CPNE7: variants seen among roughly 807,000 people sequenced by gnomAD.
The protein encoded by CPNE7 is copine-7.
Under a neutral mutation model 66.5 loss-of-function variants are expected in CPNE7, and 78 were observed. The observed-to-expected ratio is 1.17, with a 90% confidence interval of 0.98 to 1.42. The LOEUF (loss-of-function observed/expected upper bound fraction) is 1.42, where lower values mean the gene tolerates loss of function less well. Among genes scored for constraint, CPNE7 ranks in the 40% most tolerant of loss-of-function variants. The pLI is 0.00. For synonymous variants in CPNE7, 468 were observed against 336.7 expected (o/e 1.39, Z -4.27); for missense variants, 1,012 against 776.6 (o/e 1.30, Z -3.60).
At chr16:89,586,615 C>T (rs1367304705) in intron 7 of CPNE7, 55 bp from the exon 8 acceptor site, 1 of 1,451,420 alleles carries the variant, frequency 6.9e-7, no homozygotes, top group Non-Finnish European at 9.7e-7. Context: ...TAGGGTCTCC[C>T]TGGTAGGTGT....
chr16:89,579,312 A>G (rs1362813580), intron 2 of CPNE7, among the ~76,000 whole-genome samples: 1 of 152,054 alleles, frequency 6.6e-6, no homozygotes, highest in Admixed American at 6.6e-5. Flanking sequence ...AAATTTTACG[A>G]TAAAATGCAT....
intron 2 of CPNE7, 123 bp downstream of exon 2, chr16:89,577,844 C>G: frequency 1.3e-6 from 1 of 770,746 alleles, no homozygotes; most frequent in Non-Finnish European, 2.1e-6. Context: ...CTGCCCCCTC[C>G]TCAGCTCCTC....
chr16:89,596,679 G>A lies in CPNE7; in HGVS notation c.*58G>A. ...GAATGGGTCCGTACAGCCTCTGTCT[G>A]CAACATGCTTGGGGTCCCTTAAGCT... On this transcript the variant is annotated 3_prime_UTR_variant, in exon 15 of 15. Transcript: ENST00000319518. 4 of 1,481,910 alleles carry A rather than the reference G, an allele frequency of 2.7e-6. No homozygotes were observed. Among genetic ancestry groups the A allele is most frequent in the Non-Finnish European group, 2.7e-6 (3 of 1,121,736 alleles). The allele number at this position is 1,481,910 out of a possible 1,614,324, so 91.8% of individuals were successfully genotyped here. A position where few individuals can be genotyped will look rare whatever the true frequency, so the allele number is the denominator to read the frequency against.
chr16:89,578,968 G>A, intron 2 of CPNE7: 2 of 1,609,726 alleles, frequency 1.2e-6, no homozygotes, highest in African/African-American at 2.7e-5. Flanking sequence ...CTCACACCTT[G>A]CCAGGACGGG....
At chr16:89,578,870 G>T (rs903757169) in intron 2 of CPNE7, 2 of 1,612,304 alleles carry the variant, frequency 1.2e-6, no homozygotes, top group Non-Finnish European at 1.7e-6. Context: ...GCCCAAAAGT[G>T]GCTTCTGCAA....
rs2059112496 is a variant in CPNE7 at position 89,588,206 on chromosome 16, G to GCGTGTCACCCACAGATACACAGCCCC, written c.928-449_928-448insAGCCCCCGTGTCACCCACAGATACAC. Among the ~76,000 whole-genome samples the GCGTGTCACCCACAGATACACAGCCCC allele has an allele frequency of 9.5e-5, 2 of 21,146 alleles. 1 individual carries two copies. The highest frequency in any genetic ancestry group is 1.1e-3 in the Admixed American group (2 of 1,808). 13.9% of individuals were successfully genotyped at this position (21,146 alleles called of 152,430 possible). ...CAGATACACGGCCCCCGTGTCACCC[G>GCGTGTCACCCACAGATACACAGCCCC]CGTGTCACCCACAGATACACGGCCC... On this transcript the variant is annotated intron_variant, in intron 9 of 14. Coordinates refer to ENST00000319518, the MANE Select transcript of CPNE7 (RefSeq NM_153636.3).
rs576848057 is a variant in CPNE7 at position 89,585,797 on chromosome 16, G to C, written c.780+12G>C. 2 of 1,459,056 alleles carry C rather than the reference G, an allele frequency of 1.4e-6. No individual in the cohort carries two copies. Among genetic ancestry groups the C allele is most frequent in the Admixed American group, 4.3e-5 (2 of 46,176 alleles). The allele number at this position is 1,459,056 out of a possible 1,614,324, so 90.4% of individuals were successfully genotyped here. Reference sequence around the variant, plus strand: ...TTGAGGAGGGGCAGGTGAGCAGGACGGGGTAGGGGGTCCTCCAGGGAGGGT... The same window carrying C: ...TTGAGGAGGGGCAGGTGAGCAGGACCGGGTAGGGGGTCCTCCAGGGAGGGT... On this transcript the variant is annotated intron_variant, in intron 7 of 14. Transcript: ENST00000319518.
chr16:89,595,420 C>T lies in CPNE7; in HGVS notation c.1356C>T (p.Asp452=), dbSNP rs1567968474. Residue 452 remains aspartate (D), a synonymous_variant, in exon 14 of 15, where the codon GAC becomes GAT. Transcript: ENST00000319518. ...LTDGVVTDMA[D]TREAIVRASR... is the part of the protein sequence containing the mutation. ...ACGGCGTGGTGACCGACATGGCCGA[C>T]ACACGGGAGGCCATTGTGCGTGCCT... 10 of 1,605,150 alleles carry T rather than the reference C, an allele frequency of 6.2e-6. No individual in the cohort carries two copies. In the East Asian group the frequency reaches 2.0e-4, roughly 32 times the overall value.
intron 8 of CPNE7, 42 bp downstream of exon 8, chr16:89,586,798 G>A (rs1238216627): frequency 3.3e-6 from 5 of 1,528,162 alleles, no homozygotes; most frequent in Non-Finnish European, 4.5e-6. Context: ...CCCACAAGAG[G>A]GGCTTCCGCT....
intron 8 of CPNE7, 89 bp from the exon 9 acceptor site, chr16:89,586,954 G>C (rs1380191493): frequency 7.4e-7 from 1 of 1,342,602 alleles, no homozygotes; most frequent in African/African-American, 1.5e-5. Flanking sequence ...AGAGGGACTG[G>C]GCTGCCTGCG....
intron 2 of CPNE7, among the ~76,000 whole-genome samples, chr16:89,581,989 T>C (rs545713155): frequency 6.6e-6 from 1 of 152,372 alleles, no homozygotes; most frequent in South Asian, 2.1e-4. Context: ...TATGTCATAA[T>C]CCGTGCAGGA....
In CPNE7 at chr16:89,588,783, G is replaced by A; in HGVS notation, c.1036G>A (p.Gly346Ser). 6.2e-7 allele frequency: 1 copy of A among 1,613,644 alleles called. No homozygotes were observed. The change falls in exon 10 of 15, where the codon GGC (glycine) becomes AGC (serine). Residue 346 changes from glycine to serine, a missense_variant. Coordinates refer to ENST00000319518, the MANE Select transcript of CPNE7 (RefSeq NM_153636.3). ...NEYLKALVSV[G>S]EICQDYDSDK... ...GTACCTGAAGGCACTGGTGTCCGTG[G>A]GCGAGATCTGCCAGGACTATGACAG...
rs374128329 is a variant in CPNE7 at position 89,596,464 on chromosome 16, T to C, written c.1540-20T>C. ...CCATCTCGAAGGTCCCAGAGGTAAC[T>C]GCGTTGTCCCATCCTCCAGGCATCC... On this transcript the variant is annotated intron_variant, in intron 14 of 14. Coordinates refer to ENST00000319518, the MANE Select transcript of CPNE7 (RefSeq NM_153636.3). 15 of 1,596,490 alleles carry C rather than the reference T, an allele frequency of 9.4e-6. No homozygotes were observed. In the African/African-American group the frequency reaches 9.4e-5, roughly 10 times the overall value.
chr16:89,590,862 C>G (rs466141), intron 11 of CPNE7, 145 bp from the exon 12 acceptor site: 1 of 559,492 alleles, frequency 1.8e-6, no homozygotes, highest in Non-Finnish European at 2.9e-6. Flanking sequence ...CTTTAGTAGG[C>G]GGGGGACATG....
intron 9 of CPNE7, among the ~76,000 whole-genome samples, chr16:89,588,327 TGGGG>T (rs1567962065): frequency 6.6e-6 from 1 of 152,120 alleles, no homozygotes. Context: ...GTGGGAAACG[TGGGG>T]GGACCCAGAC....
chr16:89,576,495 G>C (rs2058862190), intron 1 of CPNE7, among the ~76,000 whole-genome samples: 2 of 152,054 alleles, frequency 1.3e-5, no homozygotes, highest in Non-Finnish European at 2.9e-5. Context: ...GAGGGAGCGC[G>C]CGCTGGGGTG....
Position 89,596,513 on chromosome 16 carries a change from G to A in CPNE7, c.1569G>A (p.Val523=). The change falls in exon 15 of 15, where the codon GTG becomes GTA. Residue 523 remains valine, a synonymous_variant. Transcript: ENST00000319518. ...CCCCTGCGGCGCTGGCCAAGTGCGTGCTGGCCGAGGTCCCGAAGCAGGTGG... is the reference window on the plus strand; with the variant it reads ...CCCCTGCGGCGCTGGCCAAGTGCGTACTGGCCGAGGTCCCGAAGCAGGTGG... The part of the protein sequence containing the change: ...NASPAALAKC[V]LAEVPKQVVE... The A allele has an allele frequency of 6.2e-7, 1 of 1,609,926 alleles. No homozygotes were observed. The highest frequency in any genetic ancestry group is 8.5e-7 in the Non-Finnish European group (1 of 1,179,728).
At position 89,585,475 on chromosome 16, in the gene CPNE7, C is replaced by A; in HGVS notation, c.603C>A (p.Asn201Lys). The change falls in exon 6 of 15, where the codon AAC (asparagine) becomes AAA (lysine). Residue 201 changes from asparagine to lysine, a missense_variant. Physicochemically the swap from Asn to Lys is moderately conservative, Grantham distance 94. Coordinates refer to ENST00000319518, the MANE Select transcript of CPNE7 (RefSeq NM_153636.3). ...CTCCCGGCCCACAGGTGGTGAAGAA[C>A]AACCTGAACCCGGTGTGGGAGGCCT... ...QLVYRTEVVK[N>K]NLNPVWEAFK... 6.2e-7 allele frequency: 1 copy of A among 1,611,634 alleles called. No individual in the cohort carries two copies. Among genetic ancestry groups the A allele is most frequent in the African/African-American group, 1.3e-5 (1 of 74,960 alleles).
At chr16:89,585,381 C>T (rs2059017965) in intron 5 of CPNE7, 83 bp from the exon 6 acceptor site, 1 of 964,624 alleles carries the variant, frequency 1.0e-6, no homozygotes, top group South Asian at 1.4e-5. Flanking sequence ...CGCCTCACAG[C>T]TGCTCTTCCA....
Sources: allele counts gnomAD v4.1 joint callset (sites outside exome capture counted in the v4.1 genomes callset), GRCh38; gene constraint gnomAD v4.1.1; transcripts MANE v1.5; gene names NCBI Gene and HGNC (gene_info 2026-07-23, HGNC 2026-07-21).